The following CLNK variants were observed in gnomAD, a reference collection of about 807,000 sequenced individuals.
The protein encoded by CLNK is cytokine-dependent hematopoietic cell linker.
Under a neutral mutation model 68.6 loss-of-function variants are expected in CLNK, and 74 were observed. The observed-to-expected ratio is 1.08, with a 90% confidence interval of 0.89 to 1.31. The LOEUF (loss-of-function observed/expected upper bound fraction) is 1.31, where lower values mean the gene tolerates loss of function less well. Ranked by LOEUF, CLNK falls within the 50% of genes most tolerant of loss-of-function variation. The pLI, the probability that CLNK is intolerant of heterozygous loss-of-function variation, is 0.00. For synonymous variants in CLNK, 198 were observed against 172.2 expected (o/e 1.15, Z -1.17); for missense variants, 553 against 515.3 (o/e 1.07, Z -0.71).
Position 10,501,291 on chromosome 4 carries a change from G to A in CLNK, c.1105C>T (p.Gln369Ter), listed in dbSNP as rs776579511. The A allele has an allele frequency of 8.7e-6, 14 of 1,603,988 alleles. No homozygotes were observed. In the East Asian group the frequency reaches 3.1e-4, roughly 36 times the overall value. The change falls in exon 18 of 19, where the codon CAG becomes TAG. Residue 369 changes from glutamine to a stop codon, truncating the protein, a stop_gained. Transcript: ENST00000226951. LOFTEE classifies it high-confidence loss of function. Reference protein sequence around the residue: ...VKIRFLERNQQFALGTGLRGD... With the variant: ...VKIRFLERNQ ...CTGAGTCCTGTCCCCAGGGCAAACT[G>A]CTGATTCCTCTCCAGGAAGCGTATT...
intron 2 of CLNK, among the ~76,000 whole-genome samples, chr4:10,659,977 G>A (rs1472723871): frequency 6.6e-6 from 1 of 152,216 alleles, no homozygotes; most frequent in Non-Finnish European, 1.5e-5. Context: ...TTGGGCCAAT[G>A]CAAATTATAG....
At chr4:10,531,091 G>A (rs1450831396) in intron 12 of CLNK, among the ~76,000 whole-genome samples, 2 of 152,202 alleles carry the variant, frequency 1.3e-5, no homozygotes, top group East Asian at 3.8e-4. Context: ...AGCAAGGAAA[G>A]ACATTCACGT....
At chr4:10,494,837 A>G (rs1278478152) in intron 18 of CLNK, among the ~76,000 whole-genome samples, 1 of 152,188 alleles carries the variant, frequency 6.6e-6, no homozygotes, top group Admixed American at 6.5e-5. Context: ...TAAAAAGATT[A>G]TATTCAAGCT....
chr4:10,562,696 G>T (rs1003619316), intron 7 of CLNK, among the ~76,000 whole-genome samples: 1 of 152,114 alleles, frequency 6.6e-6, no homozygotes, highest in African/African-American at 2.4e-5. Flanking sequence ...GAGCCCCCAC[G>T]TCCGGTCACA....
Position 10,538,380 on chromosome 4 carries a change from C to T in CLNK, c.602+2114G>A, listed in dbSNP as rs79495036. Among the ~76,000 whole-genome samples, 360 of 152,326 alleles carry T rather than the reference C, an allele frequency of 2.4e-3. 2 individuals are homozygous for T. The highest frequency in any genetic ancestry group is 8.3e-3 in the African/African-American group (346 of 41,570). ...CTTGCCACATGTGAGCCGCCTGCCT[C>T]GGTCTCCCAAAGTGTTAGGATTAGA... is the stretch of plus-strand genomic sequence containing the variant. On this transcript the variant is annotated intron_variant, in intron 11 of 18. Coordinates refer to ENST00000226951, the MANE Select transcript of CLNK (RefSeq NM_052964.4).
chr4:10,599,965 A>T (rs564867610), intron 2 of CLNK, among the ~76,000 whole-genome samples: 1 of 152,198 alleles, frequency 6.6e-6, no homozygotes, highest in Non-Finnish European at 1.5e-5. Flanking sequence ...GAATATTATC[A>T]AGTCACCTCC....
chr4:10,720,791 C>T, the CLNK span, among the ~76,000 whole-genome samples: 1 of 151,336 alleles, frequency 6.6e-6, no homozygotes, highest in Non-Finnish European at 1.5e-5. Context: ...AACAGCTTGA[C>T]AGTTTCTTAA....
chr4:10,534,133 C>T (rs572993433), intron 11 of CLNK, among the ~76,000 whole-genome samples: 26 of 152,050 alleles, frequency 1.7e-4, no homozygotes, highest in Non-Finnish European at 2.6e-4. Context: ...GATAAAATCA[C>T]CTGATTTATA....
chr4:10,731,999 G>A, the CLNK span, among the ~76,000 whole-genome samples: 22 of 152,252 alleles, frequency 1.4e-4, 1 homozygote, highest in Non-Finnish European at 2.5e-4. Context: ...CCTCATTATG[G>A]CTGATTTCAA....
chr4:10,669,117 A>G (rs1724525393), intron 1 of CLNK, among the ~76,000 whole-genome samples: 1 of 152,178 alleles, frequency 6.6e-6, no homozygotes, highest in African/African-American at 2.4e-5. Context: ...TTTTTAGTAT[A>G]TTCTGCCATT....
At chr4:10,637,636 C>G (rs1430098630) in intron 2 of CLNK, among the ~76,000 whole-genome samples, 1 of 129,994 alleles carries the variant, frequency 7.7e-6, no homozygotes, top group Non-Finnish European at 1.5e-5. Flanking sequence ...ACTCTCTTGC[C>G]GAGGCTGGAG....
chr4:10,607,723 G>C lies in CLNK; in HGVS notation c.12-9674C>G, dbSNP rs16870509. ...ATCTTGTCAGTGCCTCCCATTTATG[G>C]TGTTTTCAGCCACAATCCTGGACAA... On this transcript the variant is annotated intron_variant, in intron 2 of 18. Transcript: ENST00000226951. Among the ~76,000 whole-genome samples the C allele has an allele frequency of 6.0e-3, 920 of 152,304 alleles. 18 individuals carry two copies. The East Asian group carries it at 0.064, about 11-fold the overall frequency.
At chr4:10,567,202 G>A (rs996625778) in intron 5 of CLNK, among the ~76,000 whole-genome samples, 3 of 151,042 alleles carry the variant, frequency 2.0e-5, no homozygotes, top group Non-Finnish European at 4.4e-5. Context: ...CATAGATGCA[G>A]TAATCAAGAC....
chr4:10,654,974 G>A (rs1203190366), intron 2 of CLNK, among the ~76,000 whole-genome samples: 2 of 151,654 alleles, frequency 1.3e-5, no homozygotes, highest in East Asian at 1.9e-4. Flanking sequence ...CGGTGGCAGC[G>A]CCTGTAGTCC....
upstream of CLNK, among the ~76,000 whole-genome samples, chr4:10,689,608 C>T (rs1577223028): frequency 6.6e-6 from 1 of 152,226 alleles, no homozygotes. Context: ...CCTGGAGTAG[C>T]ACCTTGCAAC....
At chr4:10,699,316 TACACACACACCACATAC>T in the CLNK span, among the ~76,000 whole-genome samples, 1 of 113,294 alleles carries the variant, frequency 8.8e-6, no homozygotes, top group African/African-American at 4.5e-5. Context: ...CATACGTGTA[TACACACACACCACATAC>T]GTGTGTGTAT....
chr4:10,537,706 C>CCTTCCTTCCTTCCTTTCTTT (rs1553848181), intron 11 of CLNK, among the ~76,000 whole-genome samples: 6 of 13,396 alleles, frequency 4.5e-4, no homozygotes, highest in Admixed American at 1.2e-3. Context: ...TTCCTTCCTT[C>CCTTCCTTCCTTCCTTTCTTT]CTTTCTTTCT....
At chr4:10,508,967 T>C (rs972005938) in intron 16 of CLNK, among the ~76,000 whole-genome samples, 2 of 151,896 alleles carry the variant, frequency 1.3e-5, no homozygotes, top group East Asian at 1.9e-4. Flanking sequence ...ATTAGCCGGG[T>C]GTAGTGACGT....
At chr4:10,721,346 C>T in the CLNK span, among the ~76,000 whole-genome samples, 1 of 152,108 alleles carries the variant, frequency 6.6e-6, no homozygotes, top group Non-Finnish European at 1.5e-5. Flanking sequence ...GTAAAGGGCA[C>T]ACAGAGATCT....
Sources: allele counts gnomAD v4.1 joint callset (sites outside exome capture counted in the v4.1 genomes callset), GRCh38; gene constraint gnomAD v4.1.1; transcripts MANE v1.5; gene names NCBI Gene and HGNC (gene_info 2026-07-23, HGNC 2026-07-21).